The following PRH1 variants were observed in gnomAD, a reference collection of about 807,000 sequenced individuals.
PRH1 encodes the protein salivary acidic proline-rich phosphoprotein 1/2.
PRH1 carries 7 observed loss-of-function variants against 7.9 expected under a neutral mutation model. The observed-to-expected ratio is 0.89, with a 90% CI of 0.50 to 1.67. The LOEUF (loss-of-function observed/expected upper bound fraction) is 1.67. Ranked by LOEUF, PRH1 falls within the 40% of genes most tolerant of loss-of-function variation. The pLI is 0.00. For missense variants in PRH1, 109 were observed against 223.6 expected (o/e 0.49, Z 3.27); for synonymous variants, 45 against 80.8 (o/e 0.56, Z 2.38).
At chr12:11,110,774 A>G (rs4763629) in intron 1 of PRH1, among the ~76,000 whole-genome samples, 44,031 of 152,098 alleles carry the variant, frequency 0.29, 8,254 homozygotes, top group East Asian at 0.74. Context: ...AGCTAGCATC[A>G]TAATTATAGG....
At chr12:11,061,528 T>G (rs1221831911) in intron 1 of PRH1, 1 of 1,614,110 alleles carries the variant, frequency 6.2e-7, no homozygotes, top group Non-Finnish European at 8.5e-7. Flanking sequence ...AGGTTTGTTT[T>G]CCAGACTCTC....
In PRH1 at chr12:11,057,385, A is replaced by G. The variant is rs544702650; in HGVS notation, n.124-10197T>C. Among the ~76,000 whole-genome samples the G allele has an allele frequency of 7.3e-4, 111 of 152,182 alleles. 1 individual carries two copies. Among genetic ancestry groups the G allele is most frequent in the African/African-American group, 2.6e-3 (108 of 41,510 alleles). ...TGGATCTAATCAGTTTGTAGTTACT[A>G]CCTCTTCCTGAACGTGTAATTGAAC... On this transcript the variant is annotated intron_variant and non_coding_transcript_variant, in intron 1 of 4. Coordinates refer to the PRH1 transcript ENST00000541977.
At chr12:10,885,207 T>C (rs537848286), upstream of PRH1, among the ~76,000 whole-genome samples, 1 of 152,342 alleles carries the variant, frequency 6.6e-6, no homozygotes, top group Admixed American at 6.5e-5. Flanking sequence ...CAAGCCTCAA[T>C]TGCCTTGATT....
chr12:11,066,579 T>G (rs1467988149), intron 1 of PRH1, among the ~76,000 whole-genome samples: 2 of 151,220 alleles, frequency 1.3e-5, no homozygotes, highest in Admixed American at 1.3e-4. Flanking sequence ...TAAAAATTAC[T>G]TATTTTCCAA....
chr12:10,930,539 G>T (rs530503794), intron 2 of PRH1: 1 of 1,525,548 alleles, frequency 6.6e-7, no homozygotes, highest in South Asian at 1.3e-5. Context: ...GGGAAGGGGG[G>T]AGGTTGGGAG....
chr12:10,919,089 G>T (rs1950011779), intron 2 of PRH1, among the ~76,000 whole-genome samples: 1 of 151,904 alleles, frequency 6.6e-6, no homozygotes, highest in Non-Finnish European at 1.5e-5. Flanking sequence ...CTGTTTGATT[G>T]TTTACTTTTT....
intron 1 of PRH1, among the ~76,000 whole-genome samples, chr12:11,093,400 C>T (rs1487352196): frequency 8.6e-6 from 1 of 115,716 alleles, no homozygotes; most frequent in Non-Finnish European, 2.0e-5. Context: ...CAAATACACA[C>T]GTGCACACCA....
At chr12:11,017,772 C>T (rs1941370762) in intron 1 of PRH1, among the ~76,000 whole-genome samples, 1 of 152,018 alleles carries the variant, frequency 6.6e-6, no homozygotes. Context: ...GTATTACAGG[C>T]GTGAACCACC....
chr12:10,888,912 T>A (rs1386729179), upstream of PRH1, among the ~76,000 whole-genome samples: 1 of 152,218 alleles, frequency 6.6e-6, no homozygotes, highest in African/African-American at 2.4e-5. Context: ...TGAACTGAGG[T>A]TCACTGAGTT....
At chr12:10,923,936 C>CT (rs974740503) in intron 2 of PRH1, among the ~76,000 whole-genome samples, 11 of 142,736 alleles carry the variant, frequency 7.7e-5, no homozygotes, top group African/African-American at 2.3e-4. Flanking sequence ...TCTTTTCACT[C>CT]TTTTTTTGCT....
intron 2 of PRH1, among the ~76,000 whole-genome samples, chr12:10,946,751 C>CA (rs1950493439): frequency 6.6e-6 from 1 of 152,064 alleles, no homozygotes; most frequent in Non-Finnish European, 1.5e-5. Context: ...TGAGGCCTTA[C>CA]AAACTTTTTG....
At chr12:11,166,625 G>C (rs1947592502) in intron 1 of PRH1, among the ~76,000 whole-genome samples, 1 of 152,024 alleles carries the variant, frequency 6.6e-6, no homozygotes, top group Non-Finnish European at 1.5e-5. Context: ...ACTCATGCAG[G>C]GTCCAGTGTA....
chr12:11,054,252 A>G (rs1943268127), intron 1 of PRH1, among the ~76,000 whole-genome samples: 1 of 152,112 alleles, frequency 6.6e-6, no homozygotes, highest in African/African-American at 2.4e-5. Flanking sequence ...TCTAAAAATT[A>G]CCCCAAAAGT....
rs1946727702 is a variant in PRH1 at position 11,142,469 on chromosome 12, T to G, written n.40-21289A>C. Among the ~76,000 whole-genome samples, 4 of 152,324 alleles carry G rather than the reference T, an allele frequency of 2.6e-5. No individual in the cohort carries two copies. In the South Asian group the frequency reaches 8.3e-4, roughly 32 times the overall value. ...TACTTCAAAGCTGCCCTAATCAGGA[T>G]TCTATAGAACTCACATTACAGTAGA... On this transcript the variant is annotated intron_variant and non_coding_transcript_variant, in intron 1 of 1. Transcript: ENST00000541175.
At chr12:11,050,335 C>T (rs191129402), upstream of PRH1, among the ~76,000 whole-genome samples, 4 of 152,290 alleles carry the variant, frequency 2.6e-5, no homozygotes, top group East Asian at 5.8e-4. Context: ...ATGGGTCTGG[C>T]GAGTTATCTG....
chr12:10,944,750 GA>G (rs1950459771), intron 2 of PRH1, among the ~76,000 whole-genome samples: 2 of 152,142 alleles, frequency 1.3e-5, no homozygotes, highest in Admixed American at 6.5e-5. Context: ...CTAATTTTTT[GA>G]AATAGTTTAA....
At chr12:11,156,844 A>ATT (rs141685387) in intron 1 of PRH1, among the ~76,000 whole-genome samples, 12 of 139,162 alleles carry the variant, frequency 8.6e-5, no homozygotes, top group Non-Finnish European at 1.1e-4. Context: ...GAAAACACCA[A>ATT]TTTTTTTTTT....
At chr12:10,887,823 C>T (rs140200849), upstream of PRH1, among the ~76,000 whole-genome samples, 84 of 152,086 alleles carry the variant, frequency 5.5e-4, no homozygotes, top group Middle Eastern at 3.4e-3. Flanking sequence ...CCAGTTTAAC[C>T]GGATGTTGTC....
intron 1 of PRH1, chr12:11,031,360 T>C (rs1323095775): frequency 1.2e-6 from 2 of 1,605,216 alleles, no homozygotes; most frequent in South Asian, 2.2e-5. Context: ...AAAAAAATTG[T>C]TTTAATGCTG....
Sources: allele counts gnomAD v4.1 joint callset (sites outside exome capture counted in the v4.1 genomes callset), GRCh38; gene constraint gnomAD v4.1.1; transcripts MANE v1.5; gene names NCBI Gene and HGNC (gene_info 2026-07-23, HGNC 2026-07-21).